Variants in XNDC1N observed in about 807,000 individuals in gnomAD.
XNDC1N encodes the protein protein XNDC1N.
At chr11:71,892,813 A>G in the XNDC1N span, among the ~76,000 whole-genome samples, 174 of 149,600 alleles carry the variant, frequency 1.2e-3, 3 homozygotes, top group South Asian at 0.028. Flanking sequence ...GAGCCATGGT[A>G]CTGGGCCAAA....
chr11:71,896,979 G>C, the XNDC1N span, among the ~76,000 whole-genome samples: 1 of 152,162 alleles, frequency 6.6e-6, no homozygotes, highest in East Asian at 1.9e-4. Context: ...CTCATTGGTG[G>C]AACAGCAGCC....
chr11:71,866,510 A>T, the XNDC1N span, among the ~76,000 whole-genome samples: 32 of 152,188 alleles, frequency 2.1e-4, no homozygotes, highest in Non-Finnish European at 4.3e-4. Context: ...GGCTGGACAC[A>T]GTGGCTCACA....
chr11:71,923,717 G>A, the XNDC1N span, among the ~76,000 whole-genome samples: 31 of 152,098 alleles, frequency 2.0e-4, no homozygotes, highest in East Asian at 5.8e-3. Flanking sequence ...CACCACGCCC[G>A]GCTAATTTTT....
chr11:71,908,131 G>T, the XNDC1N span, among the ~76,000 whole-genome samples: 1 of 152,086 alleles, frequency 6.6e-6, no homozygotes, highest in Non-Finnish European at 1.5e-5. Flanking sequence ...AGGTATTAGG[G>T]CGTAATATTA....
At chr11:71,900,409 C>T in the XNDC1N span, among the ~76,000 whole-genome samples, 3 of 152,064 alleles carry the variant, frequency 2.0e-5, no homozygotes, top group East Asian at 3.9e-4. Context: ...GGGTCGGGAG[C>T]CTTGTTTGGT....
the XNDC1N span, among the ~76,000 whole-genome samples, chr11:71,900,528 G>A: frequency 6.6e-6 from 1 of 152,082 alleles, no homozygotes; most frequent in African/African-American, 2.4e-5. Context: ...GGTTGTGCTG[G>A]GGGTCTCAGA....
the XNDC1N span, among the ~76,000 whole-genome samples, chr11:71,872,566 A>G: frequency 6.9e-6 from 1 of 144,086 alleles, no homozygotes; most frequent in Non-Finnish European, 1.5e-5. Flanking sequence ...TACTAAAAAA[A>G]TACCAAAAAA....
At chr11:71,878,615 T>A in the XNDC1N span, 2 of 1,193,388 alleles carry the variant, frequency 1.7e-6, no homozygotes, top group South Asian at 2.8e-5. Context: ...CAGATTTTAC[T>A]GTACCATGAA....
chr11:71,909,061 G>A, the XNDC1N span, among the ~76,000 whole-genome samples: 6 of 152,136 alleles, frequency 3.9e-5, no homozygotes, highest in African/African-American at 1.4e-4. Flanking sequence ...GAGGTCTATC[G>A]TATGTATACT....
chr11:71,871,532 C>T, the XNDC1N span, among the ~76,000 whole-genome samples: 1 of 151,974 alleles, frequency 6.6e-6, no homozygotes, highest in South Asian at 2.1e-4. Context: ...CAACCATTCT[C>T]AAGACAAAAA....
chr11:71,927,525 A>G, the XNDC1N span: 10 of 132,984 alleles, frequency 7.5e-5, no homozygotes, highest in African/African-American at 1.2e-4. Context: ...CGTTTCAAAG[A>G]AAAAAAAAAA....
chr11:71,919,162 C>T, the XNDC1N span: 6 of 616,760 alleles, frequency 9.7e-6, no homozygotes, highest in African/African-American at 7.3e-5. Context: ...AGATGGGAGG[C>T]CATAGGAATA....
chr11:71,866,073 C>T, the XNDC1N span, among the ~76,000 whole-genome samples: 1 of 151,826 alleles, frequency 6.6e-6, no homozygotes, highest in Non-Finnish European at 1.5e-5. Context: ...AATAATAGAT[C>T]AGAAAAGTCT....
the XNDC1N span, among the ~76,000 whole-genome samples, chr11:71,870,422 T>C: frequency 7.2e-4 from 110 of 152,322 alleles, no homozygotes; most frequent in African/African-American, 2.5e-3. Flanking sequence ...TGTTCTCTTG[T>C]CCCTTGAGGT....
the XNDC1N span, chr11:71,894,251 C>T: frequency 4.7e-6 from 2 of 428,732 alleles, no homozygotes; most frequent in East Asian, 7.0e-5. Flanking sequence ...GTGTACTTGA[C>T]TTCAGCTCTG....
chr11:71,887,997 A>G, the XNDC1N span, among the ~76,000 whole-genome samples: 1 of 152,062 alleles, frequency 6.6e-6, no homozygotes, highest in East Asian at 1.9e-4. Context: ...GGGGTCAAGA[A>G]CTCCCCCACC....
At chr11:71,918,171 C>G in the XNDC1N span, among the ~76,000 whole-genome samples, 44 of 152,356 alleles carry the variant, frequency 2.9e-4, no homozygotes, top group South Asian at 8.7e-3. Flanking sequence ...GGTCAATCTT[C>G]TCAATCCATA....
the XNDC1N span, among the ~76,000 whole-genome samples, chr11:71,890,558 C>T: frequency 6.6e-6 from 1 of 152,074 alleles, no homozygotes; most frequent in East Asian, 1.9e-4. Flanking sequence ...GGTATGAATA[C>T]TATCCTCTCC....
At chr11:71,888,373 G>A in the XNDC1N span, among the ~76,000 whole-genome samples, 1 of 152,182 alleles carries the variant, frequency 6.6e-6, no homozygotes, top group Non-Finnish European at 1.5e-5. Flanking sequence ...AAACTTTGCA[G>A]TATTAGCCAA....
Sources: gnomAD v4.1 joint callset for allele counts (sites outside exome capture counted in the v4.1 genomes callset) on GRCh38, gnomAD v4.1.1 for gene constraint, MANE v1.5 for transcripts, NCBI Gene and HGNC (gene_info 2026-07-23, HGNC 2026-07-21) for gene names.